Variants in FLNB observed in about 807,000 individuals in gnomAD.
FLNB encodes filamin B, also known as filamin-B.
Under a neutral mutation model 250.6 loss-of-function variants are expected in FLNB, and 111 were observed. That is an observed-to-expected ratio of 0.44 (90% confidence interval 0.38 to 0.52). The LOEUF (loss-of-function observed/expected upper bound fraction) is 0.52, where lower values mean the gene tolerates loss of function less well. Among genes scored for constraint, FLNB ranks in the 20% least tolerant of loss-of-function variants. The pLI, the probability that FLNB is intolerant of heterozygous loss-of-function variation, is 0.00. For missense variants in FLNB, 2,869 were observed against 3,447.8 expected (o/e 0.83, Z 4.20); for synonymous variants, 1,302 against 1,372.1 (o/e 0.95, Z 1.13).
intron 4 of FLNB, among the ~76,000 whole-genome samples, chr3:58,084,529 G>A (rs1202180884): frequency 6.6e-6 from 1 of 151,460 alleles, no homozygotes; most frequent in Non-Finnish European, 1.5e-5. Flanking sequence ...CAAGTGTGGT[G>A]CACTTGTAGA....
At chr3:58,061,988 G>A (rs2097179382) in intron 1 of FLNB, among the ~76,000 whole-genome samples, 1 of 151,858 alleles carries the variant, frequency 6.6e-6, no homozygotes, top group African/African-American at 2.4e-5. Context: ...CTACTTGGGA[G>A]GCTGAGGTGG....
At chr3:58,119,651 A>G (rs1272682251) in intron 19 of FLNB, among the ~76,000 whole-genome samples, 2 of 152,230 alleles carry the variant, frequency 1.3e-5, no homozygotes, top group Non-Finnish European at 2.9e-5. Context: ...TGTGCAACAC[A>G]TGCTCATAAA....
intron 3 of FLNB, among the ~76,000 whole-genome samples, chr3:58,079,737 G>A (rs190077583): frequency 6.6e-6 from 1 of 152,268 alleles, no homozygotes; most frequent in East Asian, 1.9e-4. Flanking sequence ...TAGCTGGGAG[G>A]AAAACCAGTG....
chr3:58,159,659 G>A lies in FLNB; in HGVS notation c.6994G>A (p.Glu2332Lys), dbSNP rs139262140. The A allele has an allele frequency of 2.5e-6, 4 of 1,613,860 alleles. No homozygotes were observed. The highest frequency in any genetic ancestry group is 3.4e-6 in the Non-Finnish European group (4 of 1,180,026). Reference sequence around the variant, plus strand: ...GCACAGCCCCTCTGGAGCCGTGGAGGAGTGCCACGTGTCTGAGCTGGAGCC... The same window carrying A: ...GCACAGCCCCTCTGGAGCCGTGGAGAAGTGCCACGTGTCTGAGCTGGAGCC... The part of the protein sequence containing the change: ...KVHSPSGAVE[E>K]CHVSELEPDK... Residue 2332 changes from glutamate (E) to lysine (K), a missense_variant, in exon 42 of 46, where the codon GAG becomes AAG. Glu to Lys is a moderately conservative substitution (Grantham distance 56). Transcript: ENST00000295956.
intron 24 of FLNB, among the ~76,000 whole-genome samples, chr3:58,128,766 G>C (rs924648378): frequency 2.0e-5 from 3 of 152,196 alleles, no homozygotes; most frequent in Admixed American, 6.5e-5. Flanking sequence ...CTTACAGAAA[G>C]GGGTCAGAGT....
At chr3:58,141,404 C>T (rs1486402123) in intron 29 of FLNB, among the ~76,000 whole-genome samples, 1 of 152,176 alleles carries the variant, frequency 6.6e-6, no homozygotes, top group African/African-American at 2.4e-5. Flanking sequence ...ACCGTACATA[C>T]TGCTTTCGCA....
At chr3:58,154,763 C>A in intron 39 of FLNB, 28 bp from the exon 40 acceptor site, 1 of 1,612,786 alleles carries the variant, frequency 6.2e-7, no homozygotes, top group South Asian at 1.1e-5. Flanking sequence ...GGGGCTCAGT[C>A]ACTAACCAGG....
intron 1 of FLNB, among the ~76,000 whole-genome samples, chr3:58,033,250 C>T (rs2097133421): frequency 6.6e-6 from 1 of 152,204 alleles, no homozygotes. Context: ...CCAGAAGTTT[C>T]CTTGTGCCTC....
chr3:58,120,318 C>T (rs1452018584), intron 19 of FLNB, among the ~76,000 whole-genome samples: 1 of 152,208 alleles, frequency 6.6e-6, no homozygotes, highest in Non-Finnish European at 1.5e-5. Context: ...GCTTTGACTC[C>T]AGAACAGGAA....
rs979105084 is a variant in FLNB at position 58,149,904 on chromosome 3, C to T, written c.6146C>T (p.Thr2049Met). The T allele has an allele frequency of 3.1e-6, 5 of 1,614,224 alleles. No homozygotes were observed. Among genetic ancestry groups the T allele is most frequent in the East Asian group, 2.2e-5 (1 of 44,886 alleles). Residue 2049 changes from threonine to methionine, a missense_variant, in exon 37 of 46, where the codon ACG becomes ATG. By Grantham distance (81) the Thr-to-Met change is moderately conservative. Around this residue, in one of 5 missense-constraint regions of FLNB, gnomAD observed 1,084 missense variants for 1,315.5 expected, o/e 0.82. Transcript: ENST00000295956. ...GGCCCCAGCAAAGTGGACATCCAGA[C>T]GGAGGACCTGGAAGATGGCACCTGC... ...VEGPSKVDIQ[T>M]EDLEDGTCKV...
At chr3:58,103,297 C>T (rs1188009763) in intron 9 of FLNB, among the ~76,000 whole-genome samples, 4 of 130,466 alleles carry the variant, frequency 3.1e-5, no homozygotes, top group Admixed American at 7.8e-5. Flanking sequence ...TGTGTGTGCA[C>T]GCGCGTGCAT....
chr3:58,122,986 G>T, intron 20 of FLNB, 107 bp from the exon 21 acceptor site: 2 of 1,027,834 alleles, frequency 1.9e-6, no homozygotes, highest in Non-Finnish European at 3.1e-6. Flanking sequence ...GAGAAGGGCT[G>T]CCTGGCTCAG....
Position 58,008,463 on chromosome 3 carries a change from C to CCCCGCT in FLNB, c.-93_-88dup. 7.1e-7 allele frequency: 1 copy of CCCCGCT among 1,407,510 alleles called. No homozygotes were observed. The highest frequency in any genetic ancestry group is 9.8e-7 in the Non-Finnish European group (1 of 1,020,832). 87.2% of individuals were successfully genotyped at this position (1,407,510 alleles called of 1,614,324 possible). On this transcript the variant is annotated 5_prime_UTR_variant, in exon 1 of 46. Coordinates refer to ENST00000295956, the MANE Select transcript of FLNB (RefSeq NM_001457.4). ...TGGCTCCGGTAGCAGCAAGTTCGAA[C>CCCCGCT]CCCGCTCCCGCTCCGCTTCGGTTCT...
At chr3:58,141,974 G>A (rs780315436) in intron 30 of FLNB, 45 bp downstream of exon 30, 1 of 1,544,962 alleles carries the variant, frequency 6.5e-7, no homozygotes, top group East Asian at 2.2e-5. Flanking sequence ...TGTTTACTCA[G>A]CCTTCATTTC....
chr3:58,116,643 G>C (rs2097278473), intron 18 of FLNB, among the ~76,000 whole-genome samples: 1 of 152,208 alleles, frequency 6.6e-6, no homozygotes, highest in South Asian at 2.1e-4. Context: ...TAGAGGAATG[G>C]ACTTGTTGGC....
chr3:58,163,335 C>G lies in FLNB; in HGVS notation c.7198+5C>G. 6.2e-7 allele frequency: 1 copy of G among 1,613,962 alleles called. No individual in the cohort carries two copies. Among genetic ancestry groups the G allele is most frequent in the Non-Finnish European group, 8.5e-7 (1 of 1,179,892 alleles). ...GACTCGAAGGGGGCACCACAGGTAA[C>G]CCACTCTTCTGCTTCTTGAAGCCTT... On this transcript the variant is annotated splice_donor_5th_base_variant and intron_variant, in intron 43 of 45. Transcript: ENST00000295956.
At chr3:58,123,740 T>A in intron 21 of FLNB, 50 bp downstream of exon 21, 1 of 1,480,358 alleles carries the variant, frequency 6.8e-7, no homozygotes, top group Non-Finnish European at 9.2e-7. Flanking sequence ...AAGCTGGGAC[T>A]TAAGGGCTAC....
At position 58,125,705 on chromosome 3, in the gene FLNB, C is replaced by T; in HGVS notation, c.4023C>T (p.Ala1341=). 1 of 1,613,984 alleles carries T rather than the reference C, an allele frequency of 6.2e-7. No homozygotes were observed. The highest frequency in any genetic ancestry group is 2.2e-5 in the East Asian group (1 of 44,890). Residue 1341 remains alanine (A), a synonymous_variant, in exon 23 of 46, where the codon GCC becomes GCT. Transcript: ENST00000295956. The part of the protein sequence containing the change: ...VQAQGPGLKE[A]FTNKPNVFTV... ...CCCAAGGACCTGGATTGAAAGAGGC[C>T]TTTACCAACAAGCCCAATGTCTTCA...
chr3:58,112,862 A>G (rs2097271376), intron 18 of FLNB, among the ~76,000 whole-genome samples: 1 of 152,192 alleles, frequency 6.6e-6, no homozygotes, highest in Non-Finnish European at 1.5e-5. Context: ...AAGGCCCAGC[A>G]CACTATTTAG....
Sources: gnomAD v4.1 joint callset for allele counts (sites outside exome capture counted in the v4.1 genomes callset) on GRCh38, gnomAD v4.1.1 for gene constraint, gnomAD v4.1.1 regional missense constraint, MANE v1.5 for transcripts, NCBI Gene and HGNC (gene_info 2026-07-23, HGNC 2026-07-21) for gene names.